Variants in SLC2A13 observed in about 807,000 individuals in gnomAD.
SLC2A13 encodes the protein proton myo-inositol cotransporter.
Under a neutral mutation model 64.4 loss-of-function variants are expected in SLC2A13, and 32 were observed. The ratio of observed to expected loss-of-function variants is 0.50; its 90% CI spans 0.37 to 0.67. SLC2A13 has a LOEUF of 0.67. Ranked by LOEUF, SLC2A13 falls within the 30% of genes least tolerant of loss-of-function variation. SLC2A13 has a pLI of 0.00. For synonymous variants in SLC2A13, 338 were observed against 327.1 expected (o/e 1.03, Z -0.36); for missense variants, 743 against 829.2 (o/e 0.90, Z 1.28).
At chr12:39,976,657 C>T (rs1296967703) in intron 3 of SLC2A13, among the ~76,000 whole-genome samples, 2 of 152,038 alleles carry the variant, frequency 1.3e-5, no homozygotes, top group Non-Finnish European at 2.9e-5. Context: ...TTCAGCCTCC[C>T]AAGTAGCTTG....
chr12:39,968,394 T>C (rs567636786), intron 3 of SLC2A13, among the ~76,000 whole-genome samples: 1 of 152,202 alleles, frequency 6.6e-6, no homozygotes, highest in Admixed American at 6.5e-5. Flanking sequence ...GCATGGGGAT[T>C]ATGGGAACTA....
At chr12:40,102,160 T>A (rs1292463119) in intron 1 of SLC2A13, among the ~76,000 whole-genome samples, 1 of 152,244 alleles carries the variant, frequency 6.6e-6, no homozygotes, top group Non-Finnish European at 1.5e-5. Context: ...GAGAAATGTC[T>A]CTTTTAATTG....
At chr12:39,961,014 T>C (rs1210709065) in intron 3 of SLC2A13, among the ~76,000 whole-genome samples, 4 of 152,142 alleles carry the variant, frequency 2.6e-5, no homozygotes, top group East Asian at 3.9e-4. Flanking sequence ...TCCAAAATGC[T>C]GGGATTACAG....
intron 2 of SLC2A13, among the ~76,000 whole-genome samples, chr12:40,040,204 T>G (rs901007524): frequency 1.3e-5 from 2 of 152,264 alleles, no homozygotes; most frequent in South Asian, 4.1e-4. Context: ...GTATGTTCAC[T>G]GCTACTAGCT....
At chr12:40,098,842 G>A (rs1227917558) in intron 1 of SLC2A13, among the ~76,000 whole-genome samples, 1 of 152,176 alleles carries the variant, frequency 6.6e-6, no homozygotes, top group Non-Finnish European at 1.5e-5. Context: ...TAAGTACTAC[G>A]TCCAGGGTGT....
chr12:40,069,260 T>C (rs1398483306), intron 1 of SLC2A13, among the ~76,000 whole-genome samples: 1 of 152,152 alleles, frequency 6.6e-6, no homozygotes, highest in Non-Finnish European at 1.5e-5. Context: ...TTTCTGGTAT[T>C]CATTCCCAGA....
chr12:40,075,661 C>CA (rs1297708285), intron 1 of SLC2A13, among the ~76,000 whole-genome samples: 2 of 152,148 alleles, frequency 1.3e-5, no homozygotes, highest in Non-Finnish European at 2.9e-5. Flanking sequence ...GGAGAGTTTT[C>CA]AGGCCTTGTA....
intron 6 of SLC2A13, among the ~76,000 whole-genome samples, chr12:39,863,580 A>G (rs533562767): frequency 6.6e-6 from 1 of 152,334 alleles, no homozygotes; most frequent in South Asian, 2.1e-4. Context: ...AAGAAAAAGA[A>G]AAGTAGAATA....
chr12:39,956,632 A>C (rs139865931), intron 3 of SLC2A13, among the ~76,000 whole-genome samples: 1 of 152,140 alleles, frequency 6.6e-6, no homozygotes, highest in East Asian at 1.9e-4. Context: ...AGAAACAACA[A>C]TGTTTGATCA....
chr12:39,988,672 AG>A, intron 3 of SLC2A13, among the ~76,000 whole-genome samples: 1 of 94,372 alleles, frequency 1.1e-5, no homozygotes, highest in Non-Finnish European at 2.0e-5. Context: ...GGAGGGAGGG[AG>A]GGAAGAAGGG....
intron 4 of SLC2A13, among the ~76,000 whole-genome samples, chr12:39,943,154 T>A (rs1201768020): frequency 6.6e-6 from 1 of 152,170 alleles, no homozygotes; most frequent in Admixed American, 6.5e-5. Context: ...ACCTGCCAGA[T>A]GCCAGCCAGA....
At chr12:39,802,983 C>T (rs924595332) in intron 7 of SLC2A13, among the ~76,000 whole-genome samples, 1 of 152,052 alleles carries the variant, frequency 6.6e-6, no homozygotes, top group Non-Finnish European at 1.5e-5. Context: ...GGAAAAGAGG[C>T]CTCACTAGAG....
chr12:39,885,251 A>T (rs1160416236), intron 4 of SLC2A13, among the ~76,000 whole-genome samples: 2 of 152,092 alleles, frequency 1.3e-5, no homozygotes, highest in Non-Finnish European at 2.9e-5. Flanking sequence ...ACACAGACTA[A>T]CCTCACTTGA....
chr12:39,920,324 T>C (rs1945593820), intron 4 of SLC2A13, among the ~76,000 whole-genome samples: 1 of 152,134 alleles, frequency 6.6e-6, no homozygotes, highest in Non-Finnish European at 1.5e-5. Flanking sequence ...TAGCACATTG[T>C]TCTGAACAAC....
intron 2 of SLC2A13, among the ~76,000 whole-genome samples, chr12:40,031,435 C>A (rs1042068151): frequency 6.6e-6 from 1 of 152,174 alleles, no homozygotes; most frequent in African/African-American, 2.4e-5. Context: ...ATCAGCCAGG[C>A]TGGTCTCAAA....
At chr12:40,057,809 A>C (rs1394117462) in intron 1 of SLC2A13, among the ~76,000 whole-genome samples, 4 of 152,174 alleles carry the variant, frequency 2.6e-5, no homozygotes, top group South Asian at 2.1e-4. Flanking sequence ...ACTTTCAAAG[A>C]AGCACAGTTT....
intron 1 of SLC2A13, among the ~76,000 whole-genome samples, chr12:40,088,883 T>C (rs995449352): frequency 6.6e-6 from 1 of 152,182 alleles, no homozygotes; most frequent in African/African-American, 2.4e-5. Context: ...TATCCTAGCA[T>C]GGTAAAATGT....
intron 7 of SLC2A13, among the ~76,000 whole-genome samples, chr12:39,783,033 A>G (rs943618595): frequency 1.3e-5 from 2 of 151,820 alleles, no homozygotes; most frequent in Non-Finnish European, 2.9e-5. Flanking sequence ...CCCCCACCCC[A>G]CGACAGGCCC....
At chr12:40,063,910 T>A (rs1948467103) in intron 1 of SLC2A13, among the ~76,000 whole-genome samples, 1 of 152,124 alleles carries the variant, frequency 6.6e-6, no homozygotes, top group African/African-American at 2.4e-5. Flanking sequence ...GATTTTTGTA[T>A]GAGAATTCTT....
Sources: allele counts gnomAD v4.1 joint callset (sites outside exome capture counted in the v4.1 genomes callset), GRCh38; gene constraint gnomAD v4.1.1; transcripts MANE v1.5; gene names NCBI Gene and HGNC (gene_info 2026-07-23, HGNC 2026-07-21).